Variants in ARHGAP24 observed in about 807,000 individuals in gnomAD.
The protein encoded by ARHGAP24 is rho GTPase-activating protein 24.
In ARHGAP24, 50 loss-of-function variants were observed where a neutral mutation model predicts 76.4. The observed-to-expected ratio is 0.65, with a 90% confidence interval of 0.52 to 0.83. The LOEUF (loss-of-function observed/expected upper bound fraction) is 0.83. Among genes scored for constraint, ARHGAP24 ranks in the 40% least tolerant of loss-of-function variants. ARHGAP24 has a pLI of 0.00. For missense variants in ARHGAP24, 930 were observed against 914.2 expected, an observed-to-expected ratio of 1.02 and a Z score of -0.22; for synonymous variants, 345 against 323.3, an observed-to-expected ratio of 1.07 and a Z score of -0.72.
intron 3 of ARHGAP24, among the ~76,000 whole-genome samples, chr4:85,848,337 C>T (rs1208056584): frequency 6.6e-6 from 1 of 152,166 alleles, no homozygotes; most frequent in African/African-American, 2.4e-5. Context: ...TCTCCCATCC[C>T]CCTACCCCAT....
intron 3 of ARHGAP24, among the ~76,000 whole-genome samples, chr4:85,782,111 C>T (rs759524762): frequency 2.3e-4 from 35 of 150,530 alleles, no homozygotes; most frequent in Non-Finnish European, 4.3e-4. Flanking sequence ...TGCTTCCTAC[C>T]TTCAGTTAGG....
At chr4:85,964,237 G>A (rs1380741256) in intron 5 of ARHGAP24, among the ~76,000 whole-genome samples, 1 of 152,106 alleles carries the variant, frequency 6.6e-6, no homozygotes, top group East Asian at 1.9e-4. Context: ...GTCAAATTTA[G>A]TTTGACTTCT....
In ARHGAP24 at chr4:85,644,754, T is replaced by G. The variant is rs117811517; in HGVS notation, c.180+74033T>G. Among the ~76,000 whole-genome samples, 101 of 152,234 alleles carry G rather than the reference T, an allele frequency of 6.6e-4. No homozygotes were observed. In the East Asian group the frequency reaches 0.015, roughly 23 times the overall value. ...TATACAAATACTTATTCTTGCCATT[T>G]TGTAGTTAACTTTTCTGAACTGTTT... is the stretch of plus-strand genomic sequence containing the variant. On this transcript the variant is annotated intron_variant, in intron 2 of 9. Coordinates refer to ENST00000395184, the MANE Select transcript of ARHGAP24 (RefSeq NM_001025616.3).
intron 2 of ARHGAP24, among the ~76,000 whole-genome samples, chr4:85,628,806 C>T (rs370706183): frequency 1.5e-4 from 23 of 152,282 alleles, no homozygotes; most frequent in African/African-American, 4.3e-4. Flanking sequence ...AGTATAGACA[C>T]TTCTGCTCTC....
intron 2 of ARHGAP24, among the ~76,000 whole-genome samples, chr4:85,666,961 G>C (rs1722646244): frequency 6.6e-6 from 1 of 152,228 alleles, no homozygotes; most frequent in Admixed American, 6.5e-5. Flanking sequence ...GGACCCACTT[G>C]AGGAGGCAGT....
intron 3 of ARHGAP24, among the ~76,000 whole-genome samples, chr4:85,774,437 G>T (rs112906437): frequency 0.01 from 1,564 of 152,316 alleles, 36 homozygotes; most frequent in African/African-American, 0.036. Flanking sequence ...TTGCTCGCAA[G>T]AGTTGGCAGG....
At chr4:85,798,055 G>A (rs1728437761) in intron 3 of ARHGAP24, among the ~76,000 whole-genome samples, 1 of 67,998 alleles carries the variant, frequency 1.5e-5, no homozygotes, top group Non-Finnish European at 3.3e-5. Context: ...CAAATCCCTT[G>A]AGTTTACTAC....
intron 5 of ARHGAP24, among the ~76,000 whole-genome samples, chr4:85,947,704 ACAAT>A (rs1295742821): frequency 6.6e-6 from 1 of 152,240 alleles, no homozygotes; most frequent in Non-Finnish European, 1.5e-5. Flanking sequence ...ATCCCAGAAA[ACAAT>A]CAGATATGTA....
At chr4:85,972,269 A>G in intron 6 of ARHGAP24, 101 bp downstream of exon 6, 4 of 1,473,672 alleles carry the variant, frequency 2.7e-6, no homozygotes, top group Non-Finnish European at 3.7e-6. Flanking sequence ...TCCCGGTGTT[A>G]CTCTCCACTA....
At position 85,658,614 on chromosome 4, in the gene ARHGAP24, A is replaced by C. The variant is rs187055271; in HGVS notation, c.181-63271A>C. On this transcript the variant is annotated intron_variant, in intron 2 of 9. Transcript: ENST00000395184. ...TAAAAGTATCTTTTATGTGGGGCTG[A>C]ATTAGGTCTAGCCAACATTTAGACT... Among the ~76,000 whole-genome samples, 3 of 152,352 alleles carry C rather than the reference A, an allele frequency of 2.0e-5. No homozygotes were observed. In the East Asian group the frequency reaches 5.8e-4, roughly 29 times the overall value.
intron 1 of ARHGAP24, among the ~76,000 whole-genome samples, chr4:85,504,324 G>A (rs1169289511): frequency 6.6e-6 from 1 of 152,144 alleles, no homozygotes; most frequent in Non-Finnish European, 1.5e-5. Context: ...GGGTGTTAAA[G>A]TCTCCCATTA....
At chr4:85,897,868 G>C (rs1441031075) in intron 3 of ARHGAP24, among the ~76,000 whole-genome samples, 1 of 151,880 alleles carries the variant, frequency 6.6e-6, no homozygotes, top group Non-Finnish European at 1.5e-5. Context: ...CAAGGGGGGA[G>C]ATAAAGTGGT....
chr4:85,832,559 G>A (rs1730049822), intron 3 of ARHGAP24, among the ~76,000 whole-genome samples: 1 of 152,198 alleles, frequency 6.6e-6, no homozygotes, highest in African/African-American at 2.4e-5. Flanking sequence ...TTTGCCATGT[G>A]CGGTGTTCAA....
At chr4:85,615,947 C>G (rs1274179326) in intron 2 of ARHGAP24, among the ~76,000 whole-genome samples, 1 of 152,126 alleles carries the variant, frequency 6.6e-6, no homozygotes, top group Non-Finnish European at 1.5e-5. Flanking sequence ...TGTGTCTATT[C>G]TAAGACAACA....
intron 5 of ARHGAP24, among the ~76,000 whole-genome samples, chr4:85,967,744 C>A (rs1738711261): frequency 6.6e-6 from 1 of 152,128 alleles, no homozygotes; most frequent in Non-Finnish European, 1.5e-5. Context: ...GGACTTGAGT[C>A]TGTATAATGA....
chr4:85,529,087 G>A (rs1725144218), intron 1 of ARHGAP24, among the ~76,000 whole-genome samples: 1 of 152,016 alleles, frequency 6.6e-6, no homozygotes, highest in South Asian at 2.1e-4. Context: ...TCCAGTAGTA[G>A]TCACTGTGGT....
chr4:85,828,171 C>T (rs755767731), intron 3 of ARHGAP24, among the ~76,000 whole-genome samples: 2 of 152,146 alleles, frequency 1.3e-5, no homozygotes, highest in African/African-American at 2.4e-5. Flanking sequence ...ACAGATTGGA[C>T]ATAGTGCTGT....
At chr4:85,664,629 T>G (rs905909053) in intron 2 of ARHGAP24, among the ~76,000 whole-genome samples, 1 of 150,980 alleles carries the variant, frequency 6.6e-6, no homozygotes, top group African/African-American at 2.5e-5. Flanking sequence ...GGATCTTTCC[T>G]GCTTTCTCTT....
chr4:85,887,269 AG>A (rs1733615745), intron 3 of ARHGAP24, among the ~76,000 whole-genome samples: 1 of 152,202 alleles, frequency 6.6e-6, no homozygotes, highest in African/African-American at 2.4e-5. Flanking sequence ...TTTAATTAAA[AG>A]ATTCTTTGCT....
Sources: gnomAD v4.1 joint callset for allele counts (sites outside exome capture counted in the v4.1 genomes callset) on GRCh38, gnomAD v4.1.1 for gene constraint, MANE v1.5 for transcripts, NCBI Gene and HGNC (gene_info 2026-07-23, HGNC 2026-07-21) for gene names.